MGAT4C: variants seen among roughly 807,000 people sequenced by gnomAD.
MGAT4C encodes MGAT4 family member C.
In MGAT4C, 19 loss-of-function variants were observed where a neutral mutation model predicts 40.1. That is an observed-to-expected ratio of 0.47 (90% CI 0.33 to 0.70). The LOEUF is 0.70. Ranked by LOEUF, MGAT4C falls within the 30% of genes least tolerant of loss-of-function variation. The pLI is 0.02. For synonymous variants in MGAT4C, 181 were observed against 187.1 expected (o/e 0.97, Z 0.27); for missense variants, 491 against 563.2 (o/e 0.87, Z 1.30).
In MGAT4C at chr12:86,806,449, T is replaced by A. The variant is rs79490189; in HGVS notation, c.-262+32217A>T. 2.1e-3 allele frequency among the ~76,000 whole-genome samples: 321 copies of A among 150,040 alleles called. 1 individual carries two copies. Among genetic ancestry groups the A allele is most frequent in the African/African-American group, 6.6e-3 (272 of 41,126 alleles). ...TTACATCTGTGTGTGTGTGTGTGTG[T>A]GAGAGAGAGAGTATATGTGTGTTTA... On this transcript the variant is annotated intron_variant, in intron 1 of 7. Coordinates refer to the MGAT4C transcript ENST00000548651.
chr12:86,037,883 A>G (rs1891401500), intron 2 of MGAT4C, among the ~76,000 whole-genome samples: 1 of 149,454 alleles, frequency 6.7e-6, no homozygotes. Context: ...TAATATTGTC[A>G]GTGGCGTGTT....
At chr12:86,121,290 G>A (rs1430637714) in intron 1 of MGAT4C, among the ~76,000 whole-genome samples, 1 of 152,160 alleles carries the variant, frequency 6.6e-6, no homozygotes, top group Non-Finnish European at 1.5e-5. Context: ...TGAAAGTGAT[G>A]GGGAGAATGG....
intron 1 of MGAT4C, among the ~76,000 whole-genome samples, chr12:86,206,137 A>C (rs1950242776): frequency 6.6e-6 from 1 of 152,172 alleles, no homozygotes; most frequent in Non-Finnish European, 1.5e-5. Context: ...CAGTATTGAG[A>C]GATGGGATCT....
At chr12:86,541,852 AG>A (rs1266872979) in intron 2 of MGAT4C, among the ~76,000 whole-genome samples, 6 of 152,222 alleles carry the variant, frequency 3.9e-5, no homozygotes, top group Non-Finnish European at 8.8e-5. Context: ...AAATCAATAC[AG>A]GCATGCCAAA....
intron 1 of MGAT4C, among the ~76,000 whole-genome samples, chr12:86,168,475 A>T (rs861426): frequency 0.053 from 8,047 of 152,200 alleles, 250 homozygotes; most frequent in African/African-American, 0.085. Context: ...AGCTGCTATG[A>T]ACTCTTCAAA....
At chr12:86,460,770 G>A (rs563633487) in intron 2 of MGAT4C, among the ~76,000 whole-genome samples, 1 of 152,086 alleles carries the variant, frequency 6.6e-6, no homozygotes, top group East Asian at 1.9e-4. Context: ...AATAGAGTTT[G>A]AGAGCCACTA....
intron 2 of MGAT4C, among the ~76,000 whole-genome samples, chr12:86,439,547 C>G (rs1046197836): frequency 6.6e-5 from 10 of 151,842 alleles, no homozygotes; most frequent in African/African-American, 1.2e-4. Flanking sequence ...AATAGACAAC[C>G]TAACATCACA....
At chr12:86,376,658 A>C (rs559566825) in intron 3 of MGAT4C, among the ~76,000 whole-genome samples, 14 of 152,136 alleles carry the variant, frequency 9.2e-5, no homozygotes, top group Non-Finnish European at 1.8e-4. Context: ...ATAAGAAAAC[A>C]TAAGTATTTA....
At chr12:86,620,478 C>T in intron 2 of MGAT4C, among the ~76,000 whole-genome samples, 1 of 152,056 alleles carries the variant, frequency 6.6e-6, no homozygotes, top group Non-Finnish European at 1.5e-5. Context: ...TTACCAAATA[C>T]TGCATGTTCT....
chr12:86,546,328 G>A (rs867502040), intron 2 of MGAT4C, among the ~76,000 whole-genome samples: 1 of 151,312 alleles, frequency 6.6e-6, no homozygotes, highest in Non-Finnish European at 1.5e-5. Context: ...TTTATAAAAT[G>A]ATTAAATAAT....
chr12:85,959,607 T>C lies in MGAT4C; in HGVS notation c.*19682A>G, dbSNP rs1157460431. 6.6e-6 allele frequency: 1 copy of C among 151,942 alleles called. No homozygotes were observed. The highest frequency in any genetic ancestry group is 1.5e-5 in the Non-Finnish European group (1 of 67,936). The allele number at this position is 151,942 out of a possible 1,614,324, so 9.4% of individuals were successfully genotyped here. ...AAGTTATTGAAATCACATCTTTAAA[T>C]CTGACCCAGCCACTTGAATAAATAA... On this transcript the variant is annotated 3_prime_UTR_variant, in exon 5 of 5. Coordinates refer to ENST00000611864, the MANE Select transcript of MGAT4C (RefSeq NM_001351288.2).
chr12:86,796,024 C>T (rs181928168), intron 1 of MGAT4C, among the ~76,000 whole-genome samples: 66 of 152,028 alleles, frequency 4.3e-4, no homozygotes, highest in African/African-American at 1.3e-3. Context: ...AAAATTTACA[C>T]GCTTTCTTAA....
intron 4 of MGAT4C, among the ~76,000 whole-genome samples, chr12:86,322,264 C>A (rs1351782278): frequency 6.6e-6 from 1 of 150,704 alleles, no homozygotes; most frequent in East Asian, 2.0e-4. Flanking sequence ...AGGAGATATA[C>A]CTAATGTAAA....
intron 2 of MGAT4C, among the ~76,000 whole-genome samples, chr12:86,604,910 T>G (rs1481671256): frequency 1.3e-5 from 2 of 152,182 alleles, no homozygotes; most frequent in Non-Finnish European, 2.9e-5. Context: ...CTTCTCAACA[T>G]CTTCGCCTTC....
intron 1 of MGAT4C, among the ~76,000 whole-genome samples, chr12:86,234,594 C>T (rs984049928): frequency 2.0e-5 from 3 of 152,092 alleles, no homozygotes; most frequent in Non-Finnish European, 4.4e-5. Context: ...TTCTTGGGTA[C>T]GTAGTCAGAA....
chr12:86,261,944 G>A (rs1354418379), intron 4 of MGAT4C, among the ~76,000 whole-genome samples: 1 of 151,994 alleles, frequency 6.6e-6, no homozygotes, highest in Non-Finnish European at 1.5e-5. Flanking sequence ...TATGCCTCAG[G>A]TTGCAATTTT....
At chr12:86,129,205 C>G (rs991542827) in intron 1 of MGAT4C, among the ~76,000 whole-genome samples, 2 of 150,856 alleles carry the variant, frequency 1.3e-5, no homozygotes, top group Non-Finnish European at 2.9e-5. Flanking sequence ...AAGAGTCAAG[C>G]TACCTTTTAA....
intron 3 of MGAT4C, among the ~76,000 whole-genome samples, chr12:86,355,323 C>A (rs1955285069): frequency 6.6e-6 from 1 of 152,140 alleles, no homozygotes; most frequent in Admixed American, 6.6e-5. Flanking sequence ...CCCAGGAAGT[C>A]CAGCTGGCTT....
At chr12:86,008,217 CTATT>C (rs1181056333) in intron 2 of MGAT4C, among the ~76,000 whole-genome samples, 2 of 151,858 alleles carry the variant, frequency 1.3e-5, no homozygotes, top group African/African-American at 4.8e-5. Flanking sequence ...TACTGAAAAA[CTATT>C]TAGAATTTGA....
Sources: gnomAD v4.1 joint callset for allele counts (sites outside exome capture counted in the v4.1 genomes callset) on GRCh38, gnomAD v4.1.1 for gene constraint, MANE v1.5 for transcripts, NCBI Gene and HGNC (gene_info 2026-07-23, HGNC 2026-07-21) for gene names.